The following FHIT variants were observed in gnomAD, a reference collection of about 807,000 sequenced individuals.
The protein encoded by FHIT is bis(5'-adenosyl)-triphosphatase.
FHIT carries 19 observed loss-of-function variants against 17.9 expected under a neutral mutation model. The ratio of observed to expected loss-of-function variants is 1.06; its 90% CI spans 0.74 to 1.56. The LOEUF (loss-of-function observed/expected upper bound fraction) is 1.56. FHIT is among the 40% of genes most tolerant of loss of function. The pLI is 0.00. For missense variants in FHIT, 248 were observed against 189.2 expected, an observed-to-expected ratio of 1.31 and a Z score of -1.82; for synonymous variants, 81 against 69.7, an observed-to-expected ratio of 1.16 and a Z score of -0.81.
intron 8 of FHIT, among the ~76,000 whole-genome samples, chr3:59,887,630 T>C (rs17061346): frequency 0.04 from 6,090 of 152,190 alleles, 385 homozygotes; most frequent in African/African-American, 0.14. Flanking sequence ...GCAGATAACA[T>C]AGAAGTAAAA....
intron 3 of FHIT, among the ~76,000 whole-genome samples, chr3:60,859,014 C>T (rs1192981189): frequency 1.3e-5 from 2 of 152,138 alleles, no homozygotes; most frequent in Non-Finnish European, 2.9e-5. Flanking sequence ...TATTGATATT[C>T]CCTAAAAAGG....
rs1323921169 is a variant in FHIT at position 59,986,718 on chromosome 3, ATATATTT to A, written c.279+24646_279+24652del. On this transcript the variant is annotated intron_variant, in intron 7 of 9. Transcript: ENST00000492590. The stretch of plus-strand genomic sequence containing the variant: ...TATATATATTTATATAAATATATAC[ATATATTT>A]ATATAAATATATACATATATTTATA... Among the ~76,000 whole-genome samples, 3 of 49,342 alleles carry A rather than the reference ATATATTT, an allele frequency of 6.1e-5. 1 individual carries two copies. 32.4% of individuals were successfully genotyped at this position (49,342 alleles called of 152,430 possible). A position where few individuals can be genotyped will look rare whatever the true frequency, so the allele number is the denominator to read the frequency against.
intron 8 of FHIT, among the ~76,000 whole-genome samples, chr3:59,871,018 T>C (rs1702898098): frequency 6.6e-6 from 1 of 152,160 alleles, no homozygotes; most frequent in African/African-American, 2.4e-5. Flanking sequence ...CCTTGTTCAA[T>C]AGGATAAGGC....
At chr3:60,049,240 T>C (rs1237361263) in intron 5 of FHIT, among the ~76,000 whole-genome samples, 1 of 152,240 alleles carries the variant, frequency 6.6e-6, no homozygotes, top group East Asian at 1.9e-4. Flanking sequence ...TACATCATTA[T>C]GCTTTTGAAA....
intron 8 of FHIT, among the ~76,000 whole-genome samples, chr3:59,831,550 C>T (rs1403732768): frequency 6.6e-6 from 1 of 152,154 alleles, no homozygotes; most frequent in Non-Finnish European, 1.5e-5. Flanking sequence ...TTGACACAAA[C>T]ACAACCACAG....
chr3:59,908,245 C>A (rs1704677484), intron 8 of FHIT, among the ~76,000 whole-genome samples: 1 of 152,172 alleles, frequency 6.6e-6, no homozygotes, highest in South Asian at 2.1e-4. Flanking sequence ...CTTTTTCCAT[C>A]CAGAATTCTG....
At chr3:60,205,760 A>G (rs1703142310) in intron 5 of FHIT, among the ~76,000 whole-genome samples, 1 of 152,118 alleles carries the variant, frequency 6.6e-6, no homozygotes. Flanking sequence ...TTTCATGGTC[A>G]TATTTATGCA....
chr3:59,926,662 G>A (rs1705677865), intron 7 of FHIT, among the ~76,000 whole-genome samples: 1 of 152,150 alleles, frequency 6.6e-6, no homozygotes, highest in Non-Finnish European at 1.5e-5. Context: ...GGTGTGAAAT[G>A]TTTTTGAAAG....
intron 5 of FHIT, among the ~76,000 whole-genome samples, chr3:60,514,966 T>C (rs565532323): frequency 1.3e-5 from 2 of 151,276 alleles, no homozygotes; most frequent in Non-Finnish European, 2.9e-5. Flanking sequence ...CACAAGAGCA[T>C]GTGAGCAGAG....
At chr3:60,579,322 A>G (rs1576916395) in intron 4 of FHIT, among the ~76,000 whole-genome samples, 1 of 152,276 alleles carries the variant, frequency 6.6e-6, no homozygotes, top group Middle Eastern at 3.4e-3. Flanking sequence ...TAACTGTAAC[A>G]CAAGTATATT....
intron 2 of FHIT, among the ~76,000 whole-genome samples, chr3:61,136,957 T>C (rs76286571): frequency 0.02 from 3,075 of 152,318 alleles, 114 homozygotes; most frequent in African/African-American, 0.069. Flanking sequence ...ATGAAAACAC[T>C]GGTGTCAGGT....
At chr3:60,706,136 C>T (rs2041365639) in intron 4 of FHIT, among the ~76,000 whole-genome samples, 1 of 151,026 alleles carries the variant, frequency 6.6e-6, no homozygotes, top group South Asian at 2.1e-4. Context: ...AGGAAACTAA[C>T]ACAGGAACAG....
In FHIT at chr3:60,413,770, AAC is replaced by A. The variant is rs533128891; in HGVS notation, c.103+123088_103+123089del. On this transcript the variant is annotated intron_variant, in intron 5 of 9. Transcript: ENST00000492590. ...TGTCCATGTCAATAACAAAAAAGCA[AAC>A]ACACAAAAAATGCAGATCAGAAGAA... Among the ~76,000 whole-genome samples the A allele has an allele frequency of 5.3e-5, 8 of 152,264 alleles. No homozygotes were observed. In the South Asian group the frequency reaches 1.0e-3, roughly 20 times the overall value.
intron 5 of FHIT, among the ~76,000 whole-genome samples, chr3:60,267,968 T>G (rs771704494): frequency 6.6e-6 from 1 of 152,214 alleles, no homozygotes; most frequent in Non-Finnish European, 1.5e-5. Context: ...CTCTCTTACA[T>G]GCACTAAAAA....
intron 8 of FHIT, among the ~76,000 whole-genome samples, chr3:59,866,543 G>C (rs559705154): frequency 1.4e-4 from 21 of 152,302 alleles, no homozygotes; most frequent in Non-Finnish European, 2.4e-4. Flanking sequence ...CAAGAACATA[G>C]GCTGGAGGAT....
intron 5 of FHIT, among the ~76,000 whole-genome samples, chr3:60,514,977 G>T (rs1454248253): frequency 1.3e-5 from 2 of 151,660 alleles, no homozygotes; most frequent in Admixed American, 6.6e-5. Flanking sequence ...GTGAGCAGAG[G>T]CCACCTTACT....
rs537752621 is a variant in FHIT at position 59,860,527 on chromosome 3, C to T, written c.348+61819G>A. Reference sequence around the variant, plus strand: ...TTCTTCTGTTATTCCAAATCACCACCCATAACATCCACACCCTTCATCAAC... The same window carrying T: ...TTCTTCTGTTATTCCAAATCACCACTCATAACATCCACACCCTTCATCAAC... On this transcript the variant is annotated intron_variant, in intron 8 of 9. Transcript: ENST00000492590. 1.3e-3 allele frequency among the ~76,000 whole-genome samples: 204 copies of T among 152,234 alleles called. No homozygotes were observed. In the Middle Eastern group the frequency reaches 0.017, roughly 13 times the overall value.
intron 8 of FHIT, among the ~76,000 whole-genome samples, chr3:59,813,464 A>G (rs1700478953): frequency 1.3e-5 from 2 of 152,220 alleles, no homozygotes; most frequent in African/African-American, 4.8e-5. Flanking sequence ...GAGAGAAATA[A>G]TAATTCCTGG....
At chr3:60,337,199 C>T (rs1002937651) in intron 5 of FHIT, among the ~76,000 whole-genome samples, 1 of 152,010 alleles carries the variant, frequency 6.6e-6, no homozygotes, top group Non-Finnish European at 1.5e-5. Context: ...GGAATGCATA[C>T]TTTTTTATCG....
Sources: allele counts gnomAD v4.1 joint callset (sites outside exome capture counted in the v4.1 genomes callset), GRCh38; gene constraint gnomAD v4.1.1; transcripts MANE v1.5; gene names NCBI Gene and HGNC (gene_info 2026-07-23, HGNC 2026-07-21).